AHCYL1: variants seen among roughly 807,000 people sequenced by gnomAD.
The protein encoded by AHCYL1 is adenosylhomocysteinase like 1.
A neutral mutation model predicts 79.3 loss-of-function variants in AHCYL1; 20 were observed. The ratio of observed to expected loss-of-function variants is 0.25; its 90% CI spans 0.18 to 0.37. AHCYL1 has a LOEUF of 0.37. AHCYL1 is among the 10% of genes least tolerant of loss of function. The probability of loss-of-function intolerance (pLI) is 1.00; values close to 1 mark genes in which losing one functional copy is unlikely to be tolerated. For missense variants in AHCYL1, 330 were observed against 673.6 expected, an observed-to-expected ratio of 0.49 and a Z score of 5.65; for synonymous variants, 223 against 242.2, an observed-to-expected ratio of 0.92 and a Z score of 0.74.
At position 110,018,446 on chromosome 1, in the gene AHCYL1, C is replaced by G; in HGVS notation, c.1197C>G (p.His399Gln). The change falls in exon 12 of 17, where the codon CAC becomes CAG. Residue 399 changes from histidine (H) to glutamine (Q), a missense_variant. This residue lies in a region of AHCYL1 where 119 missense variants were observed against 293.3 expected (regional missense o/e 0.41). Transcript: ENST00000369799. Reference protein sequence around the residue: ...KNSCIVCNMGHSNTEIDVTSL... With the variant: ...KNSCIVCNMGQSNTEIDVTSL... ...GTTGTATCGTATGCAATATGGGCCACTCCAACACAGAAATCGATGTGGTAA... is the reference window on the plus strand; with the variant it reads ...GTTGTATCGTATGCAATATGGGCCAGTCCAACACAGAAATCGATGTGGTAA... 1 of 1,614,160 alleles carries G rather than the reference C, an allele frequency of 6.2e-7. No homozygotes were observed. Among genetic ancestry groups the G allele is most frequent in the Non-Finnish European group, 8.5e-7 (1 of 1,180,006 alleles).
In AHCYL1 at chr1:110,009,066, C is replaced by T; in HGVS notation, c.153C>T (p.Phe51=). Residue 51 remains phenylalanine (F), a synonymous_variant, in exon 2 of 17, where the codon TTC becomes TTT. Coordinates refer to ENST00000369799, the MANE Select transcript of AHCYL1 (RefSeq NM_006621.7). ...AGTTTGCTGATGACATGCAGGAGTT[C>T]ACCAAATTCCCCACCAAAACTGGCC... is the stretch of plus-strand genomic sequence containing the variant. ...QIQFADDMQE[F]TKFPTKTGRR... 1.2e-6 allele frequency: 2 copies of T among 1,613,818 alleles called. No homozygotes were observed. The highest frequency in any genetic ancestry group is 1.7e-6 in the Non-Finnish European group (2 of 1,179,810).
chr1:110,016,444 G>T lies in AHCYL1; in HGVS notation c.883G>T (p.Glu295Ter). 1 of 1,613,884 alleles carries T rather than the reference G, an allele frequency of 6.2e-7. No individual in the cohort carries two copies. The highest frequency in any genetic ancestry group is 8.5e-7 in the Non-Finnish European group (1 of 1,179,898). Residue 295 changes from glutamate to a stop codon, truncating the protein, a stop_gained, in exon 8 of 17, where the codon GAA (glutamate) becomes TAA (stop). Coordinates refer to ENST00000369799, the MANE Select transcript of AHCYL1 (RefSeq NM_006621.7). LOFTEE classifies it high-confidence loss of function. ...GTTTGATAACTTGTACTGCTGCCGA[G>T]AATCCATTTTGGATGGGTAGGTTGA... ...QKFDNLYCCRESILDGLKRTT... is the reference protein window; with the variant it reads ...QKFDNLYCCR
chr1:109,998,248 A>T (rs1001359679), intron 1 of AHCYL1, among the ~76,000 whole-genome samples: 7 of 152,210 alleles, frequency 4.6e-5, no homozygotes, highest in Non-Finnish European at 5.9e-5. Context: ...TTGCAGTTGT[A>T]TTCAGCTTAT....
intron 2 of AHCYL1, among the ~76,000 whole-genome samples, chr1:110,009,804 A>G (rs2101725096): frequency 6.6e-6 from 1 of 152,338 alleles, no homozygotes; most frequent in Non-Finnish European, 1.5e-5. Context: ...ATTAGCATGG[A>G]AAAGAATATA....
chr1:110,019,996 T>G lies in AHCYL1; in HGVS notation c.1465+370T>G, dbSNP rs148843803. On this transcript the variant is annotated intron_variant, in intron 15 of 16. Transcript: ENST00000369799. Reference sequence around the variant, plus strand: ...ACAAACACAGGTTTTATTGTCCATTTTCTGTGAGGATATGCAAACCATCCA... The same window carrying G: ...ACAAACACAGGTTTTATTGTCCATTGTCTGTGAGGATATGCAAACCATCCA... Among the ~76,000 whole-genome samples, 13 of 152,302 alleles carry G rather than the reference T, an allele frequency of 8.5e-5. No individual in the cohort carries two copies. In the East Asian group the frequency reaches 2.1e-3, roughly 25 times the overall value.
chr1:110,001,133 T>C (rs2101708461), intron 1 of AHCYL1: 1 of 207,678 alleles, frequency 4.8e-6, no homozygotes, highest in Admixed American at 6.5e-5. Context: ...AGATCAGTGA[T>C]ATTCTAGCAG....
intron 16 of AHCYL1, 62 bp from the exon 17 acceptor site, chr1:110,021,612 T>C (rs975676355): frequency 4.5e-6 from 7 of 1,569,716 alleles, no homozygotes; most frequent in Non-Finnish European, 6.1e-6. Context: ...TGTTTCCGAT[T>C]GTTTTTTGGA....
chr1:109,994,288 T>G (rs1462051805), intron 1 of AHCYL1, among the ~76,000 whole-genome samples: 6 of 152,092 alleles, frequency 3.9e-5, no homozygotes, highest in Admixed American at 3.3e-4. Context: ...TTGAGATGGA[T>G]TTTTGCTCTT....
At chr1:109,993,092 AAC>A (rs1235266212) in intron 1 of AHCYL1, among the ~76,000 whole-genome samples, 3 of 148,582 alleles carry the variant, frequency 2.0e-5, no homozygotes, top group Admixed American at 6.6e-5. Context: ...TCAGGAACTT[AAC>A]ACACATTCGA....
Position 110,001,401 on chromosome 1 carries a change from G to A in AHCYL1, c.121-7633G>A, listed in dbSNP as rs560824630. ...GGGTTTCACCATATTGGTCAGGCTG[G>A]TCTCAAACTCCTGACCTTAGGTGAT... is the stretch of plus-strand genomic sequence containing the variant. On this transcript the variant is annotated intron_variant, in intron 1 of 16. Transcript: ENST00000369799. Among the ~76,000 whole-genome samples, 4 of 152,136 alleles carry A rather than the reference G, an allele frequency of 2.6e-5. No homozygotes were observed. In the East Asian group the frequency reaches 5.8e-4, roughly 22 times the overall value.
chr1:109,997,568 T>C (rs1235690755), intron 1 of AHCYL1, among the ~76,000 whole-genome samples: 1 of 152,200 alleles, frequency 6.6e-6, no homozygotes, highest in African/African-American at 2.4e-5. Context: ...GGACGGCAGA[T>C]AAGGGTTTGC....
Position 110,017,540 on chromosome 1 carries a change from G to A in AHCYL1, c.1009G>A (p.Val337Ile). ...TGCTCTCAAAGCTCTTGGAGCAATT[G>A]TCTACATTACCGAAATCGACCCCAT... ...CAALKALGAI[V>I]YITEIDPICA... is the part of the protein sequence containing the mutation. The change falls in exon 10 of 17, where the codon GTC (valine) becomes ATC (isoleucine). Residue 337 changes from valine (V) to isoleucine (I), a missense_variant. Physicochemically the swap from Val to Ile is conservative, Grantham distance 29. This residue lies in a region of AHCYL1 where 119 missense variants were observed against 293.3 expected (regional missense o/e 0.41). Coordinates refer to ENST00000369799, the MANE Select transcript of AHCYL1 (RefSeq NM_006621.7). The A allele has an allele frequency of 1.2e-6, 2 of 1,614,102 alleles. No individual in the cohort carries two copies. Among genetic ancestry groups the A allele is most frequent in the Non-Finnish European group, 1.7e-6 (2 of 1,180,014 alleles).
chr1:110,018,611 C>T lies in AHCYL1; in HGVS notation c.1278C>T (p.Val426=). The change falls in exon 13 of 17, where the codon GTC becomes GTT. Residue 426 remains valine, a synonymous_variant. Transcript: ENST00000369799. ...WERVRSQVDH[V]IWPDGKRVVL... is the part of the protein sequence containing the mutation. ...GAGTACGTTCTCAGGTGGACCATGTCATCTGGCCAGATGGCAAACGAGTTG... is the reference window on the plus strand; with the variant it reads ...GAGTACGTTCTCAGGTGGACCATGTTATCTGGCCAGATGGCAAACGAGTTG... The T allele has an allele frequency of 6.2e-7, 1 of 1,613,950 alleles. No homozygotes were observed. Among genetic ancestry groups the T allele is most frequent in the Non-Finnish European group, 8.5e-7 (1 of 1,179,946 alleles).
intron 6 of AHCYL1, among the ~76,000 whole-genome samples, 178 bp from the exon 7 acceptor site, chr1:110,015,247 A>G (rs1651337906): frequency 6.6e-6 from 1 of 152,178 alleles, no homozygotes; most frequent in African/African-American, 2.4e-5. Flanking sequence ...AATCCTTTTA[A>G]CCATTTTACA....
chr1:110,018,120 T>C (rs776390997), intron 11 of AHCYL1, 104 bp downstream of exon 11: 2 of 1,263,826 alleles, frequency 1.6e-6, no homozygotes, highest in Admixed American at 3.9e-5. Flanking sequence ...AGTATAAAGG[T>C]CTCAGAACTA....
intron 2 of AHCYL1, among the ~76,000 whole-genome samples, chr1:110,010,442 C>T (rs550803387): frequency 6.6e-6 from 1 of 152,326 alleles, no homozygotes; most frequent in South Asian, 2.1e-4. Context: ...TGTATATCCT[C>T]TTGCATATCT....
chr1:110,019,024 TC>T lies in AHCYL1; in HGVS notation c.1318-24del. 3 of 1,608,552 alleles carry T rather than the reference TC, an allele frequency of 1.9e-6. No homozygotes were observed. The African/African-American group carries it at 4.0e-5, about 21-fold the overall frequency. On this transcript the variant is annotated intron_variant, in intron 13 of 16. Transcript: ENST00000369799. ...CCATTGGAATCTGAGACAGAGCTCA[TC>T]CCAGGGCTCTCTCTTACCTTTCCAG...
At chr1:109,985,331 G>T (rs1319584473) in intron 1 of AHCYL1, 159 bp downstream of exon 1, 2 of 1,340,548 alleles carry the variant, frequency 1.5e-6, no homozygotes, top group African/African-American at 1.5e-5. Context: ...GCCTCTCCCG[G>T]GCTGAAAGGC....
intron 1 of AHCYL1, chr1:109,995,764 T>G: frequency 4.5e-6 from 4 of 880,172 alleles, no homozygotes; most frequent in Non-Finnish European, 5.5e-6. Context: ...ACTAGAGCTG[T>G]GTAATCAGAA....
Sources: allele counts gnomAD v4.1 joint callset (sites outside exome capture counted in the v4.1 genomes callset), GRCh38; gene constraint gnomAD v4.1.1; regional missense constraint gnomAD v4.1.1; transcripts MANE v1.5; gene names NCBI Gene and HGNC (gene_info 2026-07-23, HGNC 2026-07-21).